Variants in SAXO1 observed in about 807,000 individuals in gnomAD.
SAXO1 encodes the protein 4930500O09Rik.
Under a neutral mutation model 17.5 loss-of-function variants are expected in SAXO1, and 21 were observed. That is an observed-to-expected ratio of 1.20 (90% CI 0.85 to 1.72). SAXO1 has a LOEUF of 1.72. Among genes scored for constraint, SAXO1 ranks in the 40% most tolerant of loss-of-function variants. SAXO1 has a pLI of 0.00. For synonymous variants in SAXO1, 274 were observed against 216.5 expected (o/e 1.27, Z -2.33); for missense variants, 843 against 596.0 (o/e 1.41, Z -4.32).
chr9:18,980,649 G>A (rs1563959659), intron 1 of SAXO1, among the ~76,000 whole-genome samples: 1 of 151,816 alleles, frequency 6.6e-6, no homozygotes, highest in Non-Finnish European at 1.5e-5. Flanking sequence ...TGCCTTCTGG[G>A]ATTTTCCAGA....
At chr9:18,976,041 G>A (rs1227932139) in intron 1 of SAXO1, among the ~76,000 whole-genome samples, 2 of 152,174 alleles carry the variant, frequency 1.3e-5, no homozygotes, top group East Asian at 1.9e-4. Flanking sequence ...TCATCGAAAG[G>A]TAATCAGTCA....
chr9:19,033,999 T>G (rs757914746), upstream of SAXO1, among the ~76,000 whole-genome samples: 25 of 152,314 alleles, frequency 1.6e-4, no homozygotes, highest in Non-Finnish European at 3.5e-4. Context: ...GAAGTCTCCC[T>G]TGCATCAAAA....
intron 2 of SAXO1, among the ~76,000 whole-genome samples, chr9:18,944,835 G>A (rs1263243404): frequency 6.6e-6 from 1 of 152,140 alleles, no homozygotes; most frequent in Non-Finnish European, 1.5e-5. Flanking sequence ...CATGACAAAG[G>A]GCCATGCAAC....
chr9:18,989,392 AT>A (rs927879647), intron 1 of SAXO1, among the ~76,000 whole-genome samples: 20 of 152,146 alleles, frequency 1.3e-4, no homozygotes, highest in African/African-American at 4.8e-4. Context: ...AAGCTTTGAA[AT>A]TTTTTAGGTA....
At chr9:18,937,641 G>A (rs1057249855) in intron 3 of SAXO1, among the ~76,000 whole-genome samples, 1 of 152,140 alleles carries the variant, frequency 6.6e-6, no homozygotes, top group Non-Finnish European at 1.5e-5. Flanking sequence ...CCACCTTCAT[G>A]AATGGATTAG....
intron 3 of SAXO1, among the ~76,000 whole-genome samples, chr9:18,938,821 C>CGTGCGTGCGT (rs759584592): frequency 2.5e-5 from 2 of 78,510 alleles, no homozygotes; most frequent in African/African-American, 4.7e-5. Context: ...TGCGTGCGTG[C>CGTGCGTGCGT]GTGTGTGTGT....
chr9:19,001,647 C>T (rs1232817196), intron 1 of SAXO1, among the ~76,000 whole-genome samples: 2 of 139,328 alleles, frequency 1.4e-5, no homozygotes, highest in African/African-American at 5.3e-5. Flanking sequence ...GCCTGGGCAA[C>T]AGAGCAAGAC....
intron 3 of SAXO1, among the ~76,000 whole-genome samples, chr9:18,937,533 T>C (rs574280358): frequency 6.6e-6 from 1 of 152,304 alleles, no homozygotes; most frequent in Admixed American, 6.5e-5. Flanking sequence ...TTTGCTATAG[T>C]CTGAATGTGC....
At chr9:19,009,526 G>A (rs1163212740) in intron 1 of SAXO1, among the ~76,000 whole-genome samples, 1 of 152,134 alleles carries the variant, frequency 6.6e-6, no homozygotes, top group Non-Finnish European at 1.5e-5. Context: ...TGGGCTCTGG[G>A]CAAACTCCCG....
At chr9:19,034,883 T>C (rs188601770), upstream of SAXO1, among the ~76,000 whole-genome samples, 8 of 152,312 alleles carry the variant, frequency 5.3e-5, no homozygotes, top group Admixed American at 1.3e-4. Flanking sequence ...CATAAATCTT[T>C]CAGCAGAAGA....
chr9:18,935,681 A>G (rs546729791), intron 3 of SAXO1, among the ~76,000 whole-genome samples: 4 of 152,148 alleles, frequency 2.6e-5, no homozygotes, highest in Non-Finnish European at 5.9e-5. Flanking sequence ...CATTCTCTGA[A>G]GCTCCCTTCT....
At chr9:18,934,027 A>C (rs980313641) in intron 3 of SAXO1, among the ~76,000 whole-genome samples, 1 of 152,066 alleles carries the variant, frequency 6.6e-6, no homozygotes, top group African/African-American at 2.4e-5. Context: ...AGCCTGAGTG[A>C]CAGAGCGAGA....
intron 1 of SAXO1, among the ~76,000 whole-genome samples, chr9:19,030,888 A>G (rs141972791): frequency 6.6e-6 from 1 of 152,274 alleles, no homozygotes; most frequent in Non-Finnish European, 1.5e-5. Context: ...TCACCAAAGC[A>G]CTTTGAGAAG....
intron 1 of SAXO1, among the ~76,000 whole-genome samples, chr9:19,022,503 G>A (rs1218010175): frequency 6.6e-6 from 1 of 152,186 alleles, no homozygotes; most frequent in Non-Finnish European, 1.5e-5. Flanking sequence ...TGGAGCTGTT[G>A]TTCACAGATT....
At chr9:19,020,976 G>C (rs2131017368) in intron 1 of SAXO1, among the ~76,000 whole-genome samples, 1 of 152,278 alleles carries the variant, frequency 6.6e-6, no homozygotes, top group South Asian at 2.1e-4. Flanking sequence ...TTATCCACAA[G>C]ATTATCTTGG....
At chr9:18,980,526 G>A (rs1422730863) in intron 1 of SAXO1, among the ~76,000 whole-genome samples, 1 of 134,646 alleles carries the variant, frequency 7.4e-6, no homozygotes, top group East Asian at 2.1e-4. Flanking sequence ...GCAAGGTAGT[G>A]GCGGGGGGAG....
intron 1 of SAXO1, among the ~76,000 whole-genome samples, chr9:19,011,547 C>T (rs557415384): frequency 6.6e-6 from 1 of 152,268 alleles, no homozygotes; most frequent in Admixed American, 6.5e-5. Flanking sequence ...AATTGTAGGG[C>T]CCAAGGCTAA....
At position 18,978,661 on chromosome 9, in the gene SAXO1, A is replaced by AT. The variant is rs1292899181; in HGVS notation, c.39-27725dup. 7.9e-5 allele frequency among the ~76,000 whole-genome samples: 12 copies of AT among 152,324 alleles called. No homozygotes were observed. The East Asian group carries it at 2.1e-3, about 27-fold the overall frequency. ...TGTGAAAATAATTGCCCGTTATTGC[A>AT]TTTTTGGCATGCCCACTGTGCACCA... On this transcript the variant is annotated intron_variant, in intron 1 of 3. Coordinates refer to ENST00000380534, the MANE Select transcript of SAXO1 (RefSeq NM_153707.4).
intron 1 of SAXO1, among the ~76,000 whole-genome samples, chr9:19,013,158 C>T (rs955258758): frequency 6.6e-6 from 1 of 152,046 alleles, no homozygotes; most frequent in Non-Finnish European, 1.5e-5. Context: ...TTGTGAAAGA[C>T]TAAATACACT....
Sources: gnomAD v4.1 joint callset for allele counts (sites outside exome capture counted in the v4.1 genomes callset) on GRCh38, gnomAD v4.1.1 for gene constraint, MANE v1.5 for transcripts, NCBI Gene and HGNC (gene_info 2026-07-23, HGNC 2026-07-21) for gene names.